ARHGAP6: variants seen among roughly 807,000 people sequenced by gnomAD.
ARHGAP6 encodes Rho GTPase activating protein 6.
In ARHGAP6, 16 loss-of-function variants were observed where a neutral mutation model predicts 55.7. The observed-to-expected ratio is 0.29, with a 90% CI of 0.19 to 0.44. The LOEUF (loss-of-function observed/expected upper bound fraction) is 0.44. Among genes scored for constraint, ARHGAP6 ranks in the 20% least tolerant of loss-of-function variants. ARHGAP6 has a pLI of 1.00. For synonymous variants in ARHGAP6, 382 were observed against 360.9 expected, an observed-to-expected ratio of 1.06 and a Z score of -0.66; for missense variants, 698 against 808.9, an observed-to-expected ratio of 0.86 and a Z score of 1.66.
rs142848987 is a variant in ARHGAP6, at chrX:11,154,459, G to T, written c.1907+2070C>A. Among the ~76,000 whole-genome samples, 949 of 112,452 alleles carry T rather than the reference G, an allele frequency of 8.4e-3. 8 individuals are homozygous for T. Among genetic ancestry groups the T allele is most frequent in the Non-Finnish European group, 0.014 (729 of 53,294 alleles). ...TTTTACCACAGCATTTATATGCAAA[G>T]AGTGTATTTGAAAACCATGTAAAAA... On this transcript the variant is annotated intron_variant, in intron 10 of 12. Coordinates refer to ENST00000337414, the MANE Select transcript of ARHGAP6 (RefSeq NM_013427.3).
At position 11,190,643 on chromosome X, in the gene ARHGAP6, CAG is replaced by C. The variant is rs764707345; in HGVS notation, c.821-1661_821-1660del. 5.1e-3 allele frequency among the ~76,000 whole-genome samples: 561 copies of C among 109,779 alleles called. 2 individuals are homozygous for C. Among genetic ancestry groups the C allele is most frequent in the Non-Finnish European group, 7.3e-3 (383 of 52,688 alleles). On this transcript the variant is annotated intron_variant, in intron 3 of 12. Coordinates refer to ENST00000337414, the MANE Select transcript of ARHGAP6 (RefSeq NM_013427.3). ...TGACAGCTACATGAAATAACAGAAA[CAG>C]AGGGGATAATAAGAGTGAAAAGAAC...
intron 1 of ARHGAP6, among the ~76,000 whole-genome samples, chrX:11,274,637 T>G (rs750962992): frequency 9.0e-6 from 1 of 111,347 alleles, no homozygotes; most frequent in Non-Finnish European, 1.9e-5. Context: ...TTAATTAATT[T>G]TAAGTTCCAG....
chrX:11,484,714 T>A (rs1447076492), intron 1 of ARHGAP6, among the ~76,000 whole-genome samples: 1 of 112,117 alleles, frequency 8.9e-6, no homozygotes, highest in Admixed American at 9.4e-5. Context: ...TGAGCCCCAC[T>A]CCATTAAAAA....
intron 1 of ARHGAP6, among the ~76,000 whole-genome samples, chrX:11,372,906 A>G (rs975976207): frequency 2.7e-5 from 3 of 109,944 alleles, no homozygotes; most frequent in Non-Finnish European, 3.8e-5. Context: ...GCCAACCACA[A>G]TTAATATTGC....
intron 1 of ARHGAP6, among the ~76,000 whole-genome samples, chrX:11,602,512 G>T (rs1297644779): frequency 1.8e-5 from 2 of 112,702 alleles, no homozygotes; most frequent in Non-Finnish European, 3.8e-5. Flanking sequence ...ACACTACCCT[G>T]CCACTTACCT....
chrX:11,405,548 G>GA (rs1462181908), intron 1 of ARHGAP6, among the ~76,000 whole-genome samples: 4 of 111,622 alleles, frequency 3.6e-5, no homozygotes, highest in Admixed American at 9.5e-5. Flanking sequence ...ATATCCATAA[G>GA]AAAAAAATGA....
intron 1 of ARHGAP6, among the ~76,000 whole-genome samples, chrX:11,456,695 A>G (rs1161646832): frequency 1.8e-5 from 2 of 112,056 alleles, no homozygotes; most frequent in East Asian, 2.8e-4. Flanking sequence ...TGGAAACAAC[A>G]TGAAACCTCC....
intron 1 of ARHGAP6, among the ~76,000 whole-genome samples, chrX:11,596,243 T>TA (rs1323644343): frequency 1.8e-5 from 2 of 111,765 alleles, no homozygotes; most frequent in Non-Finnish European, 3.8e-5. Flanking sequence ...TATGCAGTCA[T>TA]AAAAAAACGA....
At chrX:11,300,900 A>G (rs2048165952) in intron 1 of ARHGAP6, 1 of 227,293 alleles carries the variant, frequency 4.4e-6, no homozygotes, top group Non-Finnish European at 8.0e-6. Context: ...TAAGGAATAT[A>G]TTTCTTTTTA....
At chrX:11,580,173 A>C (rs1358917886) in intron 1 of ARHGAP6, among the ~76,000 whole-genome samples, 88 of 112,169 alleles carry the variant, frequency 7.8e-4, no homozygotes, top group African/African-American at 2.8e-3. Flanking sequence ...CAAACAAAAA[A>C]CTAATTTGAA....
At chrX:11,297,811 GA>G (rs1162490371) in intron 1 of ARHGAP6, among the ~76,000 whole-genome samples, 2 of 111,773 alleles carry the variant, frequency 1.8e-5, no homozygotes, top group African/African-American at 3.2e-5. Flanking sequence ...TGACATCAAA[GA>G]AAAAAATGAA....
intron 1 of ARHGAP6, among the ~76,000 whole-genome samples, chrX:11,612,586 GT>G (rs1343552151): frequency 8.9e-6 from 1 of 112,187 alleles, no homozygotes; most frequent in Admixed American, 9.5e-5. Context: ...GAACCAGGAA[GT>G]AGACCGTCAC....
At chrX:11,639,169 A>T (rs16986496) in intron 1 of ARHGAP6, among the ~76,000 whole-genome samples, 11,591 of 111,195 alleles carry the variant, frequency 0.1, 592 homozygotes, top group East Asian at 0.21. Flanking sequence ...AACAAGGGAC[A>T]TTGGGGCAGA....
intron 1 of ARHGAP6, among the ~76,000 whole-genome samples, chrX:11,261,873 C>T (rs992331570): frequency 1.8e-5 from 2 of 111,330 alleles, no homozygotes; most frequent in Non-Finnish European, 3.8e-5. Flanking sequence ...CTGCTAAGCA[C>T]CTTATAATGC....
In ARHGAP6 at chrX:11,266,033, CTGTGTGTGTGTGTG is replaced by C. The variant is rs56408947; in HGVS notation, c.589-11340_589-11327del. 13 of 168,414 alleles carry C rather than the reference CTGTGTGTGTGTGTG, an allele frequency of 7.7e-5. 2 individuals are homozygous for C. The highest frequency in any genetic ancestry group is 3.9e-4 in the Admixed American group (3 of 7,645). 13.9% of individuals were successfully genotyped at this position (168,414 alleles called of 1,213,427 possible). ...TGCGTGTGTTTGTATGCGTGTGTGC[CTGTGTGTGTGTGTG>C]TGTGTGTGTGTGTGTGTGTGTGTGT... On this transcript the variant is annotated intron_variant, in intron 1 of 12. Coordinates refer to ENST00000337414, the MANE Select transcript of ARHGAP6 (RefSeq NM_013427.3).
At chrX:11,651,165 A>C (rs891839096) in intron 1 of ARHGAP6, among the ~76,000 whole-genome samples, 3 of 111,585 alleles carry the variant, frequency 2.7e-5, no homozygotes, top group Admixed American at 9.5e-5. Flanking sequence ...GGTTTGGGGT[A>C]CATGTGCAAG....
chrX:11,591,003 C>G (rs966960267), intron 1 of ARHGAP6, among the ~76,000 whole-genome samples: 1 of 107,901 alleles, frequency 9.3e-6, no homozygotes. Flanking sequence ...GTAATCCTAG[C>G]CAAGATGGTG....
At position 11,620,286 on chromosome X, in the gene ARHGAP6, C is replaced by T. The variant is rs748506590; in HGVS notation, c.588+43955G>A. ...CAAGAAGTGCAATTAAAAAAACAAACTTTTTTTGAAAAACTTCCTTCTATG... is the reference window on the plus strand; with the variant it reads ...CAAGAAGTGCAATTAAAAAAACAAATTTTTTTTGAAAAACTTCCTTCTATG... On this transcript the variant is annotated intron_variant, in intron 1 of 12. Coordinates refer to ENST00000337414, the MANE Select transcript of ARHGAP6 (RefSeq NM_013427.3). Among the ~76,000 whole-genome samples, 6 of 112,054 alleles carry T rather than the reference C, an allele frequency of 5.4e-5. No individual in the cohort carries two copies. The East Asian group carries it at 1.7e-3, about 31-fold the overall frequency.
In ARHGAP6 at chrX:11,188,819, C is replaced by T. The variant is rs1421689250; in HGVS notation, c.986G>A (p.Ser329Asn). 1 of 1,211,473 alleles carries T rather than the reference C, an allele frequency of 8.3e-7. No individual in the cohort carries two copies. Among genetic ancestry groups the T allele is most frequent in the South Asian group, 1.8e-5 (1 of 56,942 alleles). The change falls in exon 4 of 13, where the codon AGC becomes AAC. Residue 329 changes from serine (S) to asparagine (N), a missense_variant. Ser to Asn is a conservative substitution (Grantham distance 46, BLOSUM62 1). Transcript: ENST00000337414. ...GNKRQNKELSSSNSSLSSTSE... is the reference protein window; with the variant it reads ...GNKRQNKELSNSNSSLSSTSE... ...GGTTGAGCTGAGAGATGAGTTACTG[C>T]TTGAGAGTTCTTTGTTTTGTCTTTT... is the stretch of plus-strand genomic sequence containing the variant.
Sources: gnomAD v4.1 joint callset for allele counts (sites outside exome capture counted in the v4.1 genomes callset) on GRCh38, gnomAD v4.1.1 for gene constraint, MANE v1.5 for transcripts, NCBI Gene and HGNC (gene_info 2026-07-23, HGNC 2026-07-21) for gene names.